Variants in NRF1 observed in about 807,000 individuals in gnomAD.
NRF1 encodes the protein nuclear respiratory factor 1.
Under a neutral mutation model 58.5 loss-of-function variants are expected in NRF1, and 5 were observed. The observed-to-expected ratio is 0.09, with a 90% CI of 0.04 to 0.18. The LOEUF is 0.18. Among genes scored for constraint, NRF1 ranks in the 10% least tolerant of loss-of-function variants. NRF1 has a pLI of 1.00. For synonymous variants in NRF1, 224 were observed against 246.7 expected (o/e 0.91, Z 0.86); for missense variants, 288 against 657.7 (o/e 0.44, Z 6.15).
intron 2 of NRF1, among the ~76,000 whole-genome samples, chr7:129,668,268 G>A (rs2151081703): frequency 6.6e-6 from 1 of 152,214 alleles, no homozygotes; most frequent in East Asian, 1.9e-4. Flanking sequence ...CCCTGAGTCA[G>A]TTCCACACTA....
chr7:129,677,564 T>C, intron 3 of NRF1, 68 bp from the exon 4 acceptor site: 1 of 1,442,424 alleles, frequency 6.9e-7, no homozygotes, highest in Admixed American at 1.7e-5. Flanking sequence ...CTTACCTCAT[T>C]TGTGTCTATG....
intron 9 of NRF1, among the ~76,000 whole-genome samples, chr7:129,718,765 G>A (rs1562981823): frequency 6.6e-6 from 1 of 152,212 alleles, no homozygotes; most frequent in Admixed American, 6.5e-5. Flanking sequence ...GTATGAGGCT[G>A]TATAGTATGG....
At position 129,742,187 on chromosome 7, in the gene NRF1, A is replaced by G. The variant is rs1352827589; in HGVS notation, c.1349-12831A>G. ...CTTTGTCAGCACAATTGCCTGTGAC[A>G]TTATAATTACACCAAATCTTCATTA... On this transcript the variant is annotated intron_variant, in intron 10 of 10. Transcript: ENST00000393232. 3.3e-5 allele frequency among the ~76,000 whole-genome samples: 5 copies of G among 151,946 alleles called. No individual in the cohort carries two copies. The East Asian group carries it at 9.7e-4, about 29-fold the overall frequency.
At chr7:129,636,291 G>A (rs1418280402) in intron 1 of NRF1, among the ~76,000 whole-genome samples, 2 of 152,070 alleles carry the variant, frequency 1.3e-5, no homozygotes, top group African/African-American at 2.4e-5. Context: ...CTGGAGTACA[G>A]TGGTGTGATC....
At chr7:129,740,604 G>A (rs1230152129) in intron 10 of NRF1, among the ~76,000 whole-genome samples, 1 of 152,212 alleles carries the variant, frequency 6.6e-6, no homozygotes, top group African/African-American at 2.4e-5. Context: ...GGGATTTCCA[G>A]TTGCCAGGGT....
rs774361709 is a variant in NRF1 at position 129,703,567 on chromosome 7, C to T, written c.607-5508C>T. 5.7e-4 allele frequency among the ~76,000 whole-genome samples: 86 copies of T among 152,134 alleles called. 1 individual carries two copies. Among genetic ancestry groups the T allele is most frequent in the Non-Finnish European group, 1.2e-4 (8 of 68,020 alleles). ...TTTATTTGGGACAGTATAAAAAGAACCTGTAGGAAGATTGCCTTTTTCAAT... is the reference window on the plus strand; with the variant it reads ...TTTATTTGGGACAGTATAAAAAGAATCTGTAGGAAGATTGCCTTTTTCAAT... On this transcript the variant is annotated intron_variant, in intron 5 of 10. Transcript: ENST00000393232.
intron 2 of NRF1, among the ~76,000 whole-genome samples, chr7:129,664,930 C>G (rs962605298): frequency 6.6e-6 from 1 of 152,090 alleles, no homozygotes; most frequent in Non-Finnish European, 1.5e-5. Flanking sequence ...TCTGAAGGAG[C>G]TTTCATCCAG....
intron 5 of NRF1, among the ~76,000 whole-genome samples, chr7:129,698,970 A>T (rs1802758355): frequency 6.6e-6 from 1 of 152,186 alleles, no homozygotes; most frequent in South Asian, 2.1e-4. Flanking sequence ...CCAGGCAAAG[A>T]TATAATTATA....
At chr7:129,616,609 A>G (rs1029820367) in intron 1 of NRF1, among the ~76,000 whole-genome samples, 2 of 152,122 alleles carry the variant, frequency 1.3e-5, no homozygotes, top group Non-Finnish European at 2.9e-5. Context: ...AAAAAAAACT[A>G]GTTGCTGTTA....
At chr7:129,661,471 C>CTT (rs1276621784) in intron 2 of NRF1, among the ~76,000 whole-genome samples, 2 of 151,002 alleles carry the variant, frequency 1.3e-5, no homozygotes, top group Non-Finnish European at 2.9e-5. Context: ...CTCTTGAATG[C>CTT]TTTGCTGCTT....
rs180730844 is a variant in NRF1 at position 129,625,415 on chromosome 7, A to C, written c.-7+13591A>C. 4.7e-4 allele frequency among the ~76,000 whole-genome samples: 72 copies of C among 152,280 alleles called. 1 individual carries two copies. Among genetic ancestry groups the C allele is most frequent in the African/African-American group, 1.3e-3 (54 of 41,544 alleles). ...GGAGCTCTGGGCTTAAATTCTGTTA[A>C]TGTCACTTACTAAGTTTGCAACCTT... On this transcript the variant is annotated intron_variant, in intron 1 of 10. Coordinates refer to ENST00000393232, the MANE Select transcript of NRF1 (RefSeq NM_005011.5).
At chr7:129,649,253 T>C (rs1002792354) in intron 1 of NRF1, among the ~76,000 whole-genome samples, 2 of 152,206 alleles carry the variant, frequency 1.3e-5, no homozygotes, top group Non-Finnish European at 2.9e-5. Context: ...ATCCTAGTTA[T>C]GCAGTTTATA....
chr7:129,752,026 G>A (rs1804129370), intron 10 of NRF1, among the ~76,000 whole-genome samples: 1 of 152,238 alleles, frequency 6.6e-6, no homozygotes, highest in Non-Finnish European at 1.5e-5. Context: ...AGGCTATGCT[G>A]ATAGCAACTT....
intron 1 of NRF1, among the ~76,000 whole-genome samples, chr7:129,635,683 G>A (rs1801155774): frequency 6.6e-6 from 1 of 152,060 alleles, no homozygotes; most frequent in Admixed American, 6.6e-5. Flanking sequence ...CTTTCTTTCT[G>A]CCTGCTCGTT....
chr7:129,646,122 G>C (rs1801400564), intron 1 of NRF1, among the ~76,000 whole-genome samples: 2 of 152,166 alleles, frequency 1.3e-5, no homozygotes, highest in Non-Finnish European at 2.9e-5. Context: ...AGGATTACAG[G>C]CGTGAGCCAC....
chr7:129,668,174 T>A (rs1371888931), intron 2 of NRF1, among the ~76,000 whole-genome samples: 1 of 152,230 alleles, frequency 6.6e-6, no homozygotes, highest in East Asian at 1.9e-4. Context: ...GCATCATATA[T>A]TTAATAGCCC....
chr7:129,619,070 A>C (rs1800713425), intron 1 of NRF1, among the ~76,000 whole-genome samples: 1 of 152,062 alleles, frequency 6.6e-6, no homozygotes, highest in Non-Finnish European at 1.5e-5. Flanking sequence ...TAACCATATC[A>C]GGAGTGAAGA....
intron 1 of NRF1, among the ~76,000 whole-genome samples, chr7:129,631,625 G>C (rs1801051674): frequency 6.6e-6 from 1 of 152,050 alleles, no homozygotes; most frequent in Non-Finnish European, 1.5e-5. Flanking sequence ...CCTCAGCCTG[G>C]TTTTATCATA....
chr7:129,717,252 G>A lies in NRF1; in HGVS notation c.1099G>A (p.Glu367Lys). The change falls in exon 9 of 11, where the codon GAG becomes AAG. Residue 367 changes from glutamate (E) to lysine (K), a missense_variant. This residue lies in a region of NRF1 where 212 missense variants were observed against 559.7 expected (regional missense o/e 0.38). Coordinates refer to ENST00000393232, the MANE Select transcript of NRF1 (RefSeq NM_005011.5). ...AAATTGGGCCACGTTACAGGGAGGT[G>A]AGATGACCATCCAGACGACGCAAGC... is the stretch of plus-strand genomic sequence containing the variant. ...EQNWATLQGG[E>K]MTIQTTQASE... 1.2e-6 allele frequency: 2 copies of A among 1,613,794 alleles called. No individual in the cohort carries two copies. The highest frequency in any genetic ancestry group is 1.7e-6 in the Non-Finnish European group (2 of 1,179,878).
Sources: gnomAD v4.1 joint callset for allele counts (sites outside exome capture counted in the v4.1 genomes callset) on GRCh38, gnomAD v4.1.1 for gene constraint, gnomAD v4.1.1 regional missense constraint, MANE v1.5 for transcripts, NCBI Gene and HGNC (gene_info 2026-07-23, HGNC 2026-07-21) for gene names.